The following KCNIP4 variants were observed in gnomAD, a reference collection of about 807,000 sequenced individuals.
The protein encoded by KCNIP4 is potassium voltage-gated channel interacting protein 4.
In KCNIP4, 12 loss-of-function variants were observed where a neutral mutation model predicts 34.0. The observed-to-expected ratio is 0.35, with a 90% CI of 0.23 to 0.57. KCNIP4 has a LOEUF of 0.57. KCNIP4 is among the 20% of genes least tolerant of loss of function. KCNIP4 has a pLI of 0.83. For missense variants in KCNIP4, 238 were observed against 311.7 expected, an observed-to-expected ratio of 0.76 and a Z score of 1.78; for synonymous variants, 124 against 102.2, an observed-to-expected ratio of 1.21 and a Z score of -1.29.
intron 1 of KCNIP4, among the ~76,000 whole-genome samples, chr4:21,825,464 A>G (rs1024595948): frequency 2.3e-4 from 35 of 152,178 alleles, no homozygotes; most frequent in African/African-American, 8.4e-4. Context: ...AATTTCCATC[A>G]TAATGCTTGT....
In KCNIP4 at chr4:21,259,561, A is replaced by G. The variant is rs1047845521; in HGVS notation, c.62-376852T>C. 1.4e-4 allele frequency among the ~76,000 whole-genome samples: 22 copies of G among 152,236 alleles called. No individual in the cohort carries two copies. In the East Asian group the frequency reaches 3.7e-3, roughly 25 times the overall value. On this transcript the variant is annotated intron_variant, in intron 1 of 8. Transcript: ENST00000382152. ...CTTTCTGCCATTGGCTACTGGTTGT[A>G]TGCTGGAACTCTTGTTATTACAGAA...
chr4:21,362,351 C>T (rs1719318592), intron 1 of KCNIP4, among the ~76,000 whole-genome samples: 1 of 152,160 alleles, frequency 6.6e-6, no homozygotes, highest in Non-Finnish European at 1.5e-5. Flanking sequence ...TCTCCTGACC[C>T]AGAACTTGCC....
At chr4:20,882,287 C>T (rs567942532) in intron 2 of KCNIP4, among the ~76,000 whole-genome samples, 1 of 152,208 alleles carries the variant, frequency 6.6e-6, no homozygotes, top group South Asian at 2.1e-4. Flanking sequence ...GTTAAAGTGT[C>T]CAGCTGCTCT....
intron 3 of KCNIP4, among the ~76,000 whole-genome samples, chr4:20,849,701 T>A (rs1720794125): frequency 6.6e-6 from 1 of 152,194 alleles, no homozygotes; most frequent in African/African-American, 2.4e-5. Flanking sequence ...TTGGTTTCCA[T>A]ATGTATAAGA....
At chr4:21,787,522 C>T (rs1018371268) in intron 1 of KCNIP4, among the ~76,000 whole-genome samples, 18 of 152,194 alleles carry the variant, frequency 1.2e-4, no homozygotes, top group Admixed American at 3.9e-4. Flanking sequence ...TTTCTCACAA[C>T]AACCCCATGA....
intron 5 of KCNIP4, among the ~76,000 whole-genome samples, chr4:20,745,547 A>G (rs995747085): frequency 3.3e-5 from 5 of 152,194 alleles, no homozygotes; most frequent in Non-Finnish European, 7.3e-5. Context: ...CTCAATGAGT[A>G]CTTTGCACAA....
chr4:21,657,036 C>G (rs1748014312), intron 1 of KCNIP4, among the ~76,000 whole-genome samples: 4 of 152,156 alleles, frequency 2.6e-5, no homozygotes, highest in Admixed American at 2.6e-4. Flanking sequence ...TACCATTTCC[C>G]TTCATTCAGG....
chr4:21,747,773 G>T (rs563381290), intron 1 of KCNIP4, among the ~76,000 whole-genome samples: 1 of 152,068 alleles, frequency 6.6e-6, no homozygotes, highest in African/African-American at 2.4e-5. Context: ...CACCCACCTG[G>T]AATCTCAGAA....
At chr4:21,818,191 C>T (rs201239262) in intron 1 of KCNIP4, among the ~76,000 whole-genome samples, 4 of 152,232 alleles carry the variant, frequency 2.6e-5, no homozygotes, top group South Asian at 4.1e-4. Flanking sequence ...CTTTCTCAGC[C>T]GGCCGACACT....
chr4:21,317,440 C>A (rs1191055687), intron 1 of KCNIP4, among the ~76,000 whole-genome samples: 1 of 152,056 alleles, frequency 6.6e-6, no homozygotes, highest in Non-Finnish European at 1.5e-5. Flanking sequence ...TGGAGGAAAT[C>A]AAATGAGCAA....
At chr4:21,025,212 C>T (rs1444085596) in intron 1 of KCNIP4, among the ~76,000 whole-genome samples, 1 of 152,050 alleles carries the variant, frequency 6.6e-6, no homozygotes, top group Non-Finnish European at 1.5e-5. Context: ...GTTTGTCTGA[C>T]CCCCATACAG....
chr4:20,919,719 A>G (rs905978244), intron 1 of KCNIP4, among the ~76,000 whole-genome samples: 2 of 151,884 alleles, frequency 1.3e-5, no homozygotes, highest in African/African-American at 4.8e-5. Flanking sequence ...AAAAAAAAAA[A>G]AAAAGATAAA....
intron 1 of KCNIP4, chr4:21,843,881 A>G (rs1289541584): frequency 1.3e-5 from 2 of 152,144 alleles, no homozygotes; most frequent in African/African-American, 4.8e-5. Context: ...ATGAATGAAC[A>G]ACACATAACA....
At chr4:21,683,913 G>A (rs1750605180) in intron 1 of KCNIP4, among the ~76,000 whole-genome samples, 1 of 152,000 alleles carries the variant, frequency 6.6e-6, no homozygotes, top group South Asian at 2.1e-4. Context: ...CTTCTAAGTG[G>A]GAGCTAAATG....
At chr4:21,476,038 G>A (rs556431870) in intron 1 of KCNIP4, among the ~76,000 whole-genome samples, 4 of 152,168 alleles carry the variant, frequency 2.6e-5, no homozygotes, top group South Asian at 4.2e-4. Context: ...AAGACCCAGG[G>A]TTCTGCCTTC....
At chr4:21,506,494 T>A (rs186696713) in intron 1 of KCNIP4, among the ~76,000 whole-genome samples, 2 of 152,344 alleles carry the variant, frequency 1.3e-5, no homozygotes, top group Non-Finnish European at 2.9e-5. Context: ...GTACATCTAC[T>A]AAAATTGTTA....
intron 3 of KCNIP4, among the ~76,000 whole-genome samples, chr4:20,778,248 T>G (rs575931007): frequency 6.6e-6 from 1 of 152,322 alleles, no homozygotes; most frequent in Admixed American, 6.5e-5. Flanking sequence ...TTTATTAATT[T>G]ACTTGTGCCT....
chr4:21,874,162 A>G (rs1207781043), intron 1 of KCNIP4, among the ~76,000 whole-genome samples: 1 of 152,250 alleles, frequency 6.6e-6, no homozygotes, highest in Non-Finnish European at 1.5e-5. Context: ...TGGTTATGTC[A>G]CATTCGATTA....
At chr4:21,823,623 G>A (rs993794702) in intron 1 of KCNIP4, among the ~76,000 whole-genome samples, 1 of 151,962 alleles carries the variant, frequency 6.6e-6, no homozygotes, top group Admixed American at 6.6e-5. Flanking sequence ...AATCAGAATA[G>A]GGTAAGGGAA....
Sources: allele counts gnomAD v4.1 joint callset (sites outside exome capture counted in the v4.1 genomes callset), GRCh38; gene constraint gnomAD v4.1.1; transcripts MANE v1.5; gene names NCBI Gene and HGNC (gene_info 2026-07-23, HGNC 2026-07-21).